Variants in SH3BP2 observed in about 807,000 individuals in gnomAD.
SH3BP2 encodes SH3 domain-binding protein 2.
SH3BP2 carries 38 observed loss-of-function variants against 56.2 expected under a neutral mutation model. That is an observed-to-expected ratio of 0.68 (90% confidence interval 0.52 to 0.89). The LOEUF is 0.89. Among genes scored for constraint, SH3BP2 ranks in the 40% least tolerant of loss-of-function variants. The pLI is 0.00. For synonymous variants in SH3BP2, 346 were observed against 316.7 expected (o/e 1.09, Z -0.98); for missense variants, 748 against 762.6 (o/e 0.98, Z 0.23).
intron 1 of SH3BP2, among the ~76,000 whole-genome samples, chr4:2,800,115 AGGTGACGTGACCAGGATGGGGTC>A (rs908152078): frequency 1.3e-5 from 2 of 151,506 alleles, no homozygotes; most frequent in African/African-American, 4.9e-5. Flanking sequence ...GGAGTGGAGG[AGGTGACGTGACCAGGATGGGGTC>A]GGTGACCCCT....
chr4:2,835,141 T>G lies in SH3BP2; in HGVS notation c.*1307T>G, dbSNP rs1480398822. 1 of 152,220 alleles carries G rather than the reference T, an allele frequency of 6.6e-6. No homozygotes were observed. The highest frequency in any genetic ancestry group is 2.4e-5 in the African/African-American group (1 of 41,456). The allele number at this position is 152,220 out of a possible 1,614,324, so 9.4% of individuals were successfully genotyped here. On this transcript the variant is annotated 3_prime_UTR_variant, in exon 13 of 13. Coordinates refer to ENST00000503393, the MANE Select transcript of SH3BP2 (RefSeq NM_001122681.2). ...GACCCTAGAATCCTTGTGATTTTTC[T>G]TAGCACCTTATGTCAGGGAAACCTA...
intron 11 of SH3BP2, 27 bp from the exon 12 acceptor site, chr4:2,832,963 C>T (rs368071385): frequency 1.4e-5 from 22 of 1,612,726 alleles, no homozygotes; most frequent in African/African-American, 2.7e-5. Context: ...CTCAGGGAGC[C>T]GTCAGCCTCC....
Position 2,833,175 on chromosome 4 carries a change from C to G in SH3BP2, c.1548+126C>G, listed in dbSNP as rs968282949. The G allele has an allele frequency of 9.7e-6, 8 of 826,098 alleles. No homozygotes were observed. The Admixed American group carries it at 1.1e-4, about 12-fold the overall frequency. 51.2% of individuals were successfully genotyped at this position (826,098 alleles called of 1,614,324 possible). Reference sequence around the variant, plus strand: ...CTGGCACCTCCAGGATACCGCCCTCCCCTTCCCCTCCACCATCGCTCACCC... The same window carrying G: ...CTGGCACCTCCAGGATACCGCCCTCGCCTTCCCCTCCACCATCGCTCACCC... On this transcript the variant is annotated intron_variant, in intron 12 of 12. Transcript: ENST00000503393.
chr4:2,837,932 G>A lies in SH3BP2; in HGVS notation c.*4098G>A, dbSNP rs9715869. 88,588 of 151,996 alleles carry A rather than the reference G, an allele frequency of 0.58. 25,998 individuals carry two copies. The highest frequency in any genetic ancestry group is 0.71 in the Middle Eastern group (210 of 294). The allele number at this position is 151,996 out of a possible 1,614,324, so 9.4% of individuals were successfully genotyped here. ...GTGAACCCTTTTAAGCCATCTTCCA[G>A]CCATTCTCACTGGAGGGAGATTTGA... On this transcript the variant is annotated 3_prime_UTR_variant, in exon 13 of 13. Transcript: ENST00000503393.
In SH3BP2 at chr4:2,829,889, C is replaced by G. The variant is rs1724885887; in HGVS notation, c.983C>G (p.Ser328Cys). Residue 328 changes from serine to cysteine, a missense_variant, in exon 8 of 13, where the codon TCC (serine) becomes TGC (cysteine). This residue lies in a region of SH3BP2 where 635 missense variants were observed against 615.0 expected (regional missense o/e 1.03). Coordinates refer to ENST00000503393, the MANE Select transcript of SH3BP2 (RefSeq NM_001122681.2). The surrounding 1 kb of genome is among the most constrained non-coding windows in gnomAD (Gnocchi z 4.9). ...SSAAIMATAT[S>C]RNCDKLKSFH... is the part of the protein sequence containing the mutation. ...GCTGCCATCATGGCCACTGCCACCT[C>G]CAGAAACTGTGACAAACTCAAGTCC... 2 of 1,613,848 alleles carry G rather than the reference C, an allele frequency of 1.2e-6. No individual in the cohort carries two copies. The highest frequency in any genetic ancestry group is 1.7e-6 in the Non-Finnish European group (2 of 1,180,040).
At position 2,810,964 on chromosome 4, in the gene SH3BP2, G is replaced by A. The variant is rs1237245136; in HGVS notation, c.-4-9650G>A. On this transcript the variant is annotated intron_variant, in intron 1 of 12. Coordinates refer to ENST00000503393, the MANE Select transcript of SH3BP2 (RefSeq NM_001122681.2). The surrounding 1 kb of genome is among the most constrained non-coding windows in gnomAD (Gnocchi z 4.2). Reference sequence around the variant, plus strand: ...TGCTGTGGCCAGCCTTCTGCTGAAGGTGTGGTCTGCCCTTGGCCACCTGAG... The same window carrying A: ...TGCTGTGGCCAGCCTTCTGCTGAAGATGTGGTCTGCCCTTGGCCACCTGAG... Among the ~76,000 whole-genome samples, 1 of 152,178 alleles carries A rather than the reference G, an allele frequency of 6.6e-6. No individual in the cohort carries two copies. The highest frequency in any genetic ancestry group is 1.5e-5 in the Non-Finnish European group (1 of 68,048).
In SH3BP2 at chr4:2,831,502, G is replaced by A; in HGVS notation, c.1242-69G>A. 8.6e-7 allele frequency: 1 copy of A among 1,169,566 alleles called. No homozygotes were observed. 72.4% of individuals were successfully genotyped at this position (1,169,566 alleles called of 1,614,324 possible). The stretch of plus-strand genomic sequence containing the variant: ...CTCACACAGAGGGTGGAGTGGGGAG[G>A]GGAGCAGAGGGTGGCCGCCCCGTGT... On this transcript the variant is annotated intron_variant, in intron 8 of 12. Transcript: ENST00000503393. This position sits in a 1 kb window ranked among gnomAD's most constrained non-coding sequence, Gnocchi z 4.1.
rs193044966 is a variant in SH3BP2, at chr4:2,799,203, C to G, written c.-5+6065C>G. 494 of 985,516 alleles carry G rather than the reference C, an allele frequency of 5.0e-4. 4 individuals carry two copies. The East Asian group carries it at 7.9e-3, about 16-fold the overall frequency. 61.0% of individuals were successfully genotyped at this position (985,516 alleles called of 1,614,324 possible). On this transcript the variant is annotated intron_variant, in intron 1 of 12. Transcript: ENST00000503393. ...CCCCACCGGAGGAGCTGCTCCCAGG[C>G]GGGACCCTGGGGGTGGAATCTCTGA... is the stretch of plus-strand genomic sequence containing the variant.
chr4:2,833,611 G>A (rs1037004664), intron 12 of SH3BP2, 86 bp from the exon 13 acceptor site: 1 of 1,531,304 alleles, frequency 6.5e-7, no homozygotes, highest in Non-Finnish European at 8.9e-7. Context: ...TGATGCTGCT[G>A]CCTTGTTTTA....
rs1725129201 is a variant in SH3BP2 at position 2,833,734 on chromosome 4, T to C, written c.1586T>C (p.Val529Ala). ...KFYLEGEVLF[V>A]SVGSMVEHYH... ...TACCTGGAGGGCGAGGTCCTGTTTG[T>C]GAGTGTGGGCAGCATGGTGGAGCAC... The change falls in exon 13 of 13, where the codon GTG becomes GCG. Residue 529 changes from valine to alanine, a missense_variant. Val to Ala is a moderately conservative substitution (Grantham distance 64, BLOSUM62 0). Transcript: ENST00000503393. 1 of 1,609,716 alleles carries C rather than the reference T, an allele frequency of 6.2e-7. No homozygotes were observed.
chr4:2,833,158 T>G, intron 12 of SH3BP2, 109 bp downstream of exon 12: 1 of 956,040 alleles, frequency 1.0e-6, no homozygotes, highest in Non-Finnish European at 1.7e-6. Context: ...GACTGGCACC[T>G]CCAGGATACC....
intron 1 of SH3BP2, among the ~76,000 whole-genome samples, chr4:2,804,900 C>T (rs1464803507): frequency 6.6e-6 from 1 of 152,248 alleles, no homozygotes; most frequent in East Asian, 1.9e-4. Flanking sequence ...CTCACTCAGC[C>T]TCGAGGTCCT....
chr4:2,809,810 G>T, intron 1 of SH3BP2: 1 of 985,612 alleles, frequency 1.0e-6, no homozygotes, highest in Non-Finnish European at 1.2e-6. Flanking sequence ...TGCCCTGCTG[G>T]CTGGCTCCCA....
intron 6 of SH3BP2, 118 bp from the exon 7 acceptor site, chr4:2,827,488 C>T: frequency 8.2e-7 from 1 of 1,218,146 alleles, no homozygotes; most frequent in East Asian, 2.5e-5. Context: ...TCTGGACTCA[C>T]AGTCCTCCCA....
At chr4:2,828,498 G>A (rs1420536845) in intron 7 of SH3BP2, among the ~76,000 whole-genome samples, 2 of 152,100 alleles carry the variant, frequency 1.3e-5, no homozygotes, top group Non-Finnish European at 2.9e-5. Context: ...GAGGGTCTGC[G>A]GGCCGCTTGC....
rs570387761 is a variant in SH3BP2, at chr4:2,833,833, G to A, written c.1685G>A (p.Ter562=). 6.4e-7 allele frequency: 1 copy of A among 1,567,314 alleles called. No homozygotes were observed. The highest frequency in any genetic ancestry group is 1.2e-5 in the South Asian group (1 of 86,344). Reference sequence around the variant, plus strand: ...CCCTACGGCTACACTGGGCCTAGGTGATGGCAGTCCATGTGGCTGCCAGGC... The same window carrying A: ...CCCTACGGCTACACTGGGCCTAGGTAATGGCAGTCCATGTGGCTGCCAGGC... The part of the protein sequence containing the change: ...RHPYGYTGPR[*] The change falls in exon 13 of 13, where the codon TGA becomes TAA. Residue 562 remains the stop codon, a stop_retained_variant. Transcript: ENST00000503393.
chr4:2,831,073 A>AT lies in SH3BP2; in HGVS notation c.1242-497dup, dbSNP rs1724959050. Among the ~76,000 whole-genome samples, 1 of 152,186 alleles carries AT rather than the reference A, an allele frequency of 6.6e-6. No homozygotes were observed. Among genetic ancestry groups the AT allele is most frequent in the African/African-American group, 2.4e-5 (1 of 41,452 alleles). On this transcript the variant is annotated intron_variant, in intron 8 of 12. Transcript: ENST00000503393. The surrounding 1 kb of genome is among the most constrained non-coding windows in gnomAD (Gnocchi z 4.1). ...AGCCTCACCCACAGGCTGGCCTCCC[A>AT]TGCTGGCGTGGCCCGTTAATCCTCC...
Position 2,825,487 on chromosome 4 carries a change from CAG to C in SH3BP2, c.428+294_428+295del, listed in dbSNP as rs201453691. 5.3e-5 allele frequency among the ~76,000 whole-genome samples: 8 copies of C among 152,066 alleles called. No homozygotes were observed. The East Asian group carries it at 5.8e-4, about 11-fold the overall frequency. On this transcript the variant is annotated intron_variant, in intron 5 of 12. Coordinates refer to ENST00000503393, the MANE Select transcript of SH3BP2 (RefSeq NM_001122681.2). Reference sequence around the variant, plus strand: ...CAACACGTGGACATGCGCACACACACAGAGCAACACGTGGACATGCACACACA... The same window carrying C: ...CAACACGTGGACATGCGCACACACACAGCAACACGTGGACATGCACACACA...
At position 2,810,767 on chromosome 4, in the gene SH3BP2, C is replaced by T. The variant is rs746432398; in HGVS notation, c.-4-9847C>T. Among the ~76,000 whole-genome samples the T allele has an allele frequency of 5.9e-5, 9 of 152,198 alleles. No homozygotes were observed. The highest frequency in any genetic ancestry group is 1.0e-4 in the Non-Finnish European group (7 of 68,026). ...GAACCCACAGGGCCTGGTCCCTCCT[C>T]TGGACCCTGCAGCCCCAACTGTCAG... On this transcript the variant is annotated intron_variant, in intron 1 of 12. Coordinates refer to ENST00000503393, the MANE Select transcript of SH3BP2 (RefSeq NM_001122681.2). This position sits in a 1 kb window ranked among gnomAD's most constrained non-coding sequence, Gnocchi z 4.2.
Sources: gnomAD v4.1 joint callset for allele counts (sites outside exome capture counted in the v4.1 genomes callset) on GRCh38, gnomAD v4.1.1 for gene constraint, gnomAD v4.1.1 regional missense constraint, Gnocchi (gnomAD v3.1) non-coding constraint, MANE v1.5 for transcripts, NCBI Gene and HGNC (gene_info 2026-07-23, HGNC 2026-07-21) for gene names.